Variants in RARB observed in about 807,000 individuals in gnomAD.
RARB encodes the protein HBV-activated protein.
RARB carries 17 observed loss-of-function variants against 51.9 expected under a neutral mutation model. That is an observed-to-expected ratio of 0.33 (90% CI 0.22 to 0.49). RARB has a LOEUF of 0.49. RARB is among the 20% of genes least tolerant of loss of function. RARB has a pLI of 0.99. For synonymous variants in RARB, 215 were observed against 195.4 expected (o/e 1.10, Z -0.84); for missense variants, 369 against 550.8 (o/e 0.67, Z 3.30).
intron 5 of RARB, among the ~76,000 whole-genome samples, chr3:25,318,851 A>G (rs1423407784): frequency 6.6e-6 from 1 of 152,134 alleles, no homozygotes; most frequent in Non-Finnish European, 1.5e-5. Flanking sequence ...TTTTTTCAGC[A>G]TTGTCATCAG....
chr3:25,000,873 C>G (rs530933062), intron 2 of RARB, among the ~76,000 whole-genome samples: 3 of 152,084 alleles, frequency 2.0e-5, no homozygotes, highest in African/African-American at 7.2e-5. Flanking sequence ...ATTAAGAGCA[C>G]TCATGAAGAT....
intron 3 of RARB, among the ~76,000 whole-genome samples, chr3:25,130,012 C>G (rs1444295636): frequency 6.6e-6 from 1 of 152,036 alleles, no homozygotes; most frequent in African/African-American, 2.4e-5. Flanking sequence ...CGTGGAGTAT[C>G]TTTAGGAAGA....
chr3:25,007,488 A>G (rs769610343), intron 2 of RARB, among the ~76,000 whole-genome samples: 7 of 150,720 alleles, frequency 4.6e-5, no homozygotes, highest in Non-Finnish European at 8.9e-5. Context: ...ATAGCTGGGC[A>G]TGGTGGTGGG....
At chr3:25,361,354 C>G (rs1705926863) in intron 5 of RARB, among the ~76,000 whole-genome samples, 2 of 152,174 alleles carry the variant, frequency 1.3e-5, no homozygotes, top group Non-Finnish European at 2.9e-5. Flanking sequence ...TTTCTCTAAA[C>G]TGGTTATTCT....
Position 25,017,154 on chromosome 3 carries a change from G to A in RARB, c.-379-42971G>A, listed in dbSNP as rs771496854. The stretch of plus-strand genomic sequence containing the variant: ...ACCGTTCCTGTCATTGTTGGAAAAC[G>A]CAACTTTCCTTATCAATGTTTGGAT... On this transcript the variant is annotated intron_variant, in intron 2 of 11. Coordinates refer to the RARB transcript ENST00000383772. 2.6e-5 allele frequency among the ~76,000 whole-genome samples: 4 copies of A among 151,994 alleles called. No individual in the cohort carries two copies. In the East Asian group the frequency reaches 5.8e-4, roughly 22 times the overall value.
intron 5 of RARB, among the ~76,000 whole-genome samples, chr3:25,217,025 G>C: frequency 6.6e-6 from 1 of 152,128 alleles, no homozygotes; most frequent in Non-Finnish European, 1.5e-5. Flanking sequence ...AGGTGGTGAT[G>C]TGTTCTCATC....
At chr3:25,321,869 T>TAAA (rs542980653) in intron 5 of RARB, among the ~76,000 whole-genome samples, 2 of 143,640 alleles carry the variant, frequency 1.4e-5, no homozygotes, top group African/African-American at 5.1e-5. Context: ...CTCTAAAATT[T>TAAA]AAAAAAAAAA....
In RARB at chr3:25,410,518, A is replaced by G. The variant is rs557362147; in HGVS notation, c.179-50675A>G. The stretch of plus-strand genomic sequence containing the variant: ...CTTGAGTAGTGAACTCGCTGAGCCT[A>G]GTGACATCTGTGTTTCTTTCCCATA... On this transcript the variant is annotated intron_variant, in intron 5 of 11. Transcript: ENST00000383772. Among the ~76,000 whole-genome samples, 5 of 152,340 alleles carry G rather than the reference A, an allele frequency of 3.3e-5. No individual in the cohort carries two copies. In the East Asian group the frequency reaches 9.6e-4, roughly 29 times the overall value.
At chr3:25,061,695 T>C (rs997212262) in intron 3 of RARB, among the ~76,000 whole-genome samples, 5 of 151,870 alleles carry the variant, frequency 3.3e-5, no homozygotes, top group African/African-American at 1.2e-4. Flanking sequence ...AATAATAATA[T>C]GTTGATCCAC....
intron 5 of RARB, among the ~76,000 whole-genome samples, chr3:25,420,282 C>T (rs892388566): frequency 3.9e-5 from 6 of 152,188 alleles, no homozygotes; most frequent in African/African-American, 9.7e-5. Context: ...CCCTCTCCAA[C>T]TGCCCCTCTG....
chr3:25,285,978 T>C (rs1703640873), intron 5 of RARB, among the ~76,000 whole-genome samples: 1 of 152,090 alleles, frequency 6.6e-6, no homozygotes, highest in Non-Finnish European at 1.5e-5. Flanking sequence ...CCCCATCACT[T>C]TTTCTGCCTC....
At chr3:25,194,868 A>G (rs1333430509) in intron 5 of RARB, among the ~76,000 whole-genome samples, 1 of 151,922 alleles carries the variant, frequency 6.6e-6, no homozygotes, top group East Asian at 1.9e-4. Flanking sequence ...GCCACTTTGA[A>G]CATTCAGTGA....
intron 3 of RARB, among the ~76,000 whole-genome samples, chr3:25,114,225 A>G (rs1031334471): frequency 3.3e-5 from 5 of 152,160 alleles, no homozygotes; most frequent in Non-Finnish European, 5.9e-5. Flanking sequence ...AATGGAAAGT[A>G]TTACCATTCA....
intron 2 of RARB, among the ~76,000 whole-genome samples, chr3:24,903,324 C>G (rs979039400): frequency 6.6e-6 from 1 of 151,642 alleles, no homozygotes; most frequent in African/African-American, 2.4e-5. Context: ...AAGGGAAACA[C>G]TAGTATAAGA....
chr3:25,138,667 C>T (rs758581652), intron 4 of RARB, among the ~76,000 whole-genome samples: 2 of 152,070 alleles, frequency 1.3e-5, no homozygotes, highest in African/African-American at 2.4e-5. Context: ...TAGAAATTGT[C>T]ATCCTAATGT....
intron 5 of RARB, among the ~76,000 whole-genome samples, chr3:25,370,073 G>A (rs538114294): frequency 5.3e-5 from 8 of 152,114 alleles, no homozygotes; most frequent in South Asian, 2.1e-4. Flanking sequence ...TACAGAGAGA[G>A]TGTGTCATGT....
chr3:25,197,714 C>T (rs910450512), intron 5 of RARB, among the ~76,000 whole-genome samples: 3 of 151,468 alleles, frequency 2.0e-5, no homozygotes, highest in Admixed American at 1.3e-4. Flanking sequence ...AATAAAATAC[C>T]TAGGAGTAAA....
intron 5 of RARB, chr3:25,352,385 C>T (rs1054243006): frequency 6.6e-6 from 1 of 152,134 alleles, no homozygotes; most frequent in Admixed American, 6.6e-5. Context: ...GGTGGTATGG[C>T]CATACACCAA....
At chr3:25,549,696 A>G (rs887045811) in intron 3 of RARB, among the ~76,000 whole-genome samples, 4 of 152,174 alleles carry the variant, frequency 2.6e-5, no homozygotes, top group African/African-American at 9.7e-5. Context: ...GTTGACCAAG[A>G]TGGCATGAGA....
Sources: gnomAD v4.1 joint callset for allele counts (sites outside exome capture counted in the v4.1 genomes callset) on GRCh38, gnomAD v4.1.1 for gene constraint, MANE v1.5 for transcripts, NCBI Gene and HGNC (gene_info 2026-07-23, HGNC 2026-07-21) for gene names.